Variants in PTPRE observed in about 807,000 individuals in gnomAD.
PTPRE encodes the protein protein tyrosine phosphatase receptor type E, also known as receptor-type tyrosine-protein phosphatase epsilon.
A neutral mutation model predicts 102.0 loss-of-function variants in PTPRE; 51 were observed. The observed-to-expected ratio is 0.50, with a 90% CI of 0.40 to 0.63. The LOEUF (loss-of-function observed/expected upper bound fraction) is 0.63. Ranked by LOEUF, PTPRE falls within the 30% of genes least tolerant of loss-of-function variation. The pLI, the probability that PTPRE is intolerant of heterozygous loss-of-function variation, is 0.00. For missense variants in PTPRE, 752 were observed against 915.1 expected, an observed-to-expected ratio of 0.82 and a Z score of 2.30; for synonymous variants, 345 against 348.2, an observed-to-expected ratio of 0.99 and a Z score of 0.10.
At chr10:127,926,241 T>C (rs1470029511) in intron 1 of PTPRE, among the ~76,000 whole-genome samples, 2 of 152,372 alleles carry the variant, frequency 1.3e-5, no homozygotes, top group South Asian at 2.1e-4. Context: ...AATGAGTTTT[T>C]TTCCTTCATT....
intron 10 of PTPRE, among the ~76,000 whole-genome samples, chr10:128,065,696 AG>A (rs1049673478): frequency 6.6e-5 from 10 of 152,224 alleles, no homozygotes; most frequent in African/African-American, 2.4e-4. Flanking sequence ...GTCTGGGGGG[AG>A]CACCGTCCTT....
At chr10:128,029,755 G>A (rs60939045) in intron 2 of PTPRE, among the ~76,000 whole-genome samples, 55,674 of 152,200 alleles carry the variant, frequency 0.37, 10,273 homozygotes, top group Non-Finnish European at 0.38. Flanking sequence ...GAGCTGAGAC[G>A]GACTGTAAGC....
intron 15 of PTPRE, 78 bp from the exon 16 acceptor site, chr10:128,072,060 G>T: frequency 8.5e-7 from 1 of 1,176,010 alleles, no homozygotes; most frequent in Non-Finnish European, 1.2e-6. Context: ...TCTATATTTT[G>T]CAAGCTTGTA....
intron 2 of PTPRE, among the ~76,000 whole-genome samples, chr10:128,019,363 CAGA>C (rs938889747): frequency 1.7e-4 from 26 of 152,224 alleles, no homozygotes; most frequent in Non-Finnish European, 2.5e-4. Flanking sequence ...GCCCGGCACT[CAGA>C]AGATCTCCAC....
At chr10:127,999,970 C>A in intron 2 of PTPRE, 1 of 985,226 alleles carries the variant, frequency 1.0e-6, no homozygotes, top group Non-Finnish European at 1.2e-6. Context: ...CTGTAAGTAT[C>A]CATGGATGCA....
rs548181774 is a variant in PTPRE at position 128,008,104 on chromosome 10, C to T, written c.-8+25808C>T. 5.3e-5 allele frequency among the ~76,000 whole-genome samples: 8 copies of T among 152,288 alleles called. No individual in the cohort carries two copies. The East Asian group carries it at 5.8e-4, about 11-fold the overall frequency. On this transcript the variant is annotated intron_variant, in intron 2 of 20. Transcript: ENST00000254667. The surrounding 1 kb of genome is among the most constrained non-coding windows in gnomAD (Gnocchi z 4.0). ...CACTGGGGAGGCACAGGAGGCACCA[C>T]GCCACGTGTGCCTGTCTGCAGAGTC... is the stretch of plus-strand genomic sequence containing the variant.
chr10:128,033,877 T>C (rs1278399091), intron 2 of PTPRE, among the ~76,000 whole-genome samples: 4 of 152,228 alleles, frequency 2.6e-5, no homozygotes, highest in Non-Finnish European at 4.4e-5. Flanking sequence ...ACTCCTGACC[T>C]CAAGTGATCT....
rs1442585372 is a variant in PTPRE at position 128,060,129 on chromosome 10, C to T, written c.512-810C>T. 2.7e-5 allele frequency among the ~76,000 whole-genome samples: 4 copies of T among 149,570 alleles called. No homozygotes were observed. In the East Asian group the frequency reaches 5.9e-4, roughly 22 times the overall value. ...TACACATACACACCAAACCCACATG[C>T]ACACATTCACACAGCATACACACTA... On this transcript the variant is annotated intron_variant, in intron 7 of 20. Coordinates refer to ENST00000254667, the MANE Select transcript of PTPRE (RefSeq NM_006504.6).
rs561376856 is a variant in PTPRE at position 127,927,062 on chromosome 10, G to A, written c.-31+19753G>A. Among the ~76,000 whole-genome samples, 69 of 151,856 alleles carry A rather than the reference G, an allele frequency of 4.5e-4. No individual in the cohort carries two copies. The Middle Eastern group carries it at 0.017, about 37-fold the overall frequency. On this transcript the variant is annotated intron_variant, in intron 1 of 20. Transcript: ENST00000254667. ...CCTGACCTCATGATCTGCCAGCCTC[G>A]GCCTCCCAAAGTCCTAGGATTACAA...
intron 2 of PTPRE, among the ~76,000 whole-genome samples, chr10:128,007,771 G>C (rs1844616847): frequency 6.6e-6 from 1 of 152,204 alleles, no homozygotes; most frequent in Admixed American, 6.5e-5. Context: ...GTCTTGTACT[G>C]TCTCAGAGAG....
intron 1 of PTPRE, among the ~76,000 whole-genome samples, chr10:127,920,440 C>G (rs571497587): frequency 6.6e-6 from 1 of 152,178 alleles, no homozygotes; most frequent in East Asian, 1.9e-4. Flanking sequence ...TGGCCAAGCA[C>G]CCTGCCCTGC....
intron 12 of PTPRE, 144 bp from the exon 13 acceptor site, chr10:128,069,548 G>T: frequency 9.2e-7 from 1 of 1,083,684 alleles, no homozygotes; most frequent in South Asian, 1.5e-5. Context: ...TCCCTCTGGT[G>T]GCTGCACTGT....
chr10:128,061,080 G>A, intron 8 of PTPRE, 65 bp downstream of exon 8: 1 of 1,501,450 alleles, frequency 6.7e-7, no homozygotes, highest in Non-Finnish European at 9.3e-7. Context: ...GCACTTTCTT[G>A]TCTGGTGCCC....
chr10:127,944,167 A>G lies in PTPRE; in HGVS notation c.-31+36858A>G, dbSNP rs1253240558. On this transcript the variant is annotated intron_variant, in intron 1 of 20. Coordinates refer to ENST00000254667, the MANE Select transcript of PTPRE (RefSeq NM_006504.6). The surrounding 1 kb of genome is among the most constrained non-coding windows in gnomAD (Gnocchi z 4.2). ...CTGGAAGGACTGAAGTCCAGGGAAT[A>G]TTACTGCTCAGAGGGCCTGATAAGA... Among the ~76,000 whole-genome samples the G allele has an allele frequency of 6.6e-6, 1 of 152,192 alleles. No homozygotes were observed. Among genetic ancestry groups the G allele is most frequent in the East Asian group, 1.9e-4 (1 of 5,200 alleles).
chr10:128,059,217 T>C (rs561913242), intron 7 of PTPRE, among the ~76,000 whole-genome samples: 1 of 152,338 alleles, frequency 6.6e-6, no homozygotes, highest in Admixed American at 6.5e-5. Flanking sequence ...TCAGCAGAGC[T>C]ATTTCTGCCT....
At chr10:127,951,028 G>A (rs1333855555) in intron 1 of PTPRE, among the ~76,000 whole-genome samples, 1 of 152,082 alleles carries the variant, frequency 6.6e-6, no homozygotes, top group Admixed American at 6.5e-5. Flanking sequence ...AGTGAGCCAA[G>A]ATTGCGCCAC....
Position 128,085,174 on chromosome 10 carries a change from C to T in PTPRE, c.*2268C>T. The T allele has an allele frequency of 2.2e-6, 1 of 451,402 alleles. No individual in the cohort carries two copies. The highest frequency in any genetic ancestry group is 4.5e-6 in the Non-Finnish European group (1 of 224,138). 28.0% of individuals were successfully genotyped at this position (451,402 alleles called of 1,614,324 possible). ...GGGGAGGTCATTACAGCCTCATGGC[C>T]TCTACCAAGGCCCCAGATCACAGGA... On this transcript the variant is annotated 3_prime_UTR_variant, in exon 21 of 21. Transcript: ENST00000254667.
intron 3 of PTPRE, among the ~76,000 whole-genome samples, chr10:128,042,738 T>C (rs1847809125): frequency 6.6e-6 from 1 of 152,230 alleles, no homozygotes; most frequent in Non-Finnish European, 1.5e-5. Flanking sequence ...GTTTCATTTG[T>C]TCATCGAACA....
intron 20 of PTPRE, among the ~76,000 whole-genome samples, chr10:128,082,359 G>A (rs1422793606): frequency 1.3e-5 from 2 of 151,176 alleles, no homozygotes; most frequent in Non-Finnish European, 3.0e-5. Flanking sequence ...CTATGGGTGT[G>A]CACCACTATG....
Sources: gnomAD v4.1 joint callset for allele counts (sites outside exome capture counted in the v4.1 genomes callset) on GRCh38, gnomAD v4.1.1 for gene constraint, Gnocchi (gnomAD v3.1) non-coding constraint, MANE v1.5 for transcripts, NCBI Gene and HGNC (gene_info 2026-07-23, HGNC 2026-07-21) for gene names.